MAGI2: variants seen among roughly 807,000 people sequenced by gnomAD.
MAGI2 encodes membrane associated guanylate kinase, WW and PDZ domain containing 2.
A neutral mutation model predicts 133.3 loss-of-function variants in MAGI2; 35 were observed. The ratio of observed to expected loss-of-function variants is 0.26; its 90% CI spans 0.20 to 0.35. The LOEUF is 0.35. Ranked by LOEUF, MAGI2 falls within the 10% of genes least tolerant of loss-of-function variation. The pLI, the probability that MAGI2 is intolerant of heterozygous loss-of-function variation, is 1.00. For missense variants in MAGI2, 1,636 were observed against 1,863.4 expected (o/e 0.88, Z 2.25); for synonymous variants, 729 against 710.6 (o/e 1.03, Z -0.41).
chr7:78,922,527 A>AT (rs1385952672), intron 2 of MAGI2, among the ~76,000 whole-genome samples: 1 of 151,552 alleles, frequency 6.6e-6, no homozygotes, highest in Non-Finnish European at 1.5e-5. Flanking sequence ...TGAACTCATC[A>AT]TTTTTTATGG....
rs752292799 is a variant in MAGI2, at chr7:79,007,079, A to C, written c.418+11T>G. The C allele has an allele frequency of 2.6e-6, 4 of 1,550,106 alleles. No homozygotes were observed. The African/African-American group carries it at 5.5e-5, about 21-fold the overall frequency. Reference sequence around the variant, plus strand: ...CAACATAAAAATATTAATACTGCCCATTGTACTCACATGGCACCGTGCGGA... The same window carrying C: ...CAACATAAAAATATTAATACTGCCCCTTGTACTCACATGGCACCGTGCGGA... On this transcript the variant is annotated intron_variant, in intron 2 of 21. Transcript: ENST00000354212.
At chr7:78,729,230 A>G (rs1821132110) in intron 2 of MAGI2, among the ~76,000 whole-genome samples, 1 of 152,352 alleles carries the variant, frequency 6.6e-6, no homozygotes, top group South Asian at 2.1e-4. Context: ...CAAGAAAAAA[A>G]GTGAGGATTA....
chr7:78,377,383 G>A (rs1335484705), intron 6 of MAGI2, among the ~76,000 whole-genome samples: 1 of 152,012 alleles, frequency 6.6e-6, no homozygotes, highest in Non-Finnish European at 1.5e-5. Context: ...GCTCAGAAAG[G>A]TAAATTCCCA....
intron 2 of MAGI2, among the ~76,000 whole-genome samples, chr7:78,991,432 T>G (rs1462469229): frequency 6.6e-6 from 1 of 151,810 alleles, no homozygotes; most frequent in Non-Finnish European, 1.5e-5. Context: ...ACATATATAC[T>G]AAAATATATG....
At chr7:79,028,237 A>ATATATC (rs1554336352) in intron 1 of MAGI2, among the ~76,000 whole-genome samples, 9 of 28,674 alleles carry the variant, frequency 3.1e-4, no homozygotes, top group African/African-American at 6.6e-4. Flanking sequence ...ATATGTATGT[A>ATATATC]TATATATATA....
chr7:78,594,136 T>C (rs1434682561), intron 3 of MAGI2, among the ~76,000 whole-genome samples: 1 of 152,202 alleles, frequency 6.6e-6, no homozygotes, highest in African/African-American at 2.4e-5. Context: ...TTCTGTCTTG[T>C]CCTCTTTGAT....
chr7:78,998,690 G>A (rs1806559853), intron 2 of MAGI2, among the ~76,000 whole-genome samples: 1 of 152,110 alleles, frequency 6.6e-6, no homozygotes, highest in South Asian at 2.1e-4. Flanking sequence ...TTTTGGCTAG[G>A]CGCATTTAAA....
intron 1 of MAGI2, among the ~76,000 whole-genome samples, chr7:79,051,703 GA>G (rs760257352): frequency 6.6e-6 from 1 of 152,034 alleles, no homozygotes; most frequent in Non-Finnish European, 1.5e-5. Context: ...ATTTATACAA[GA>G]AAAAATGTAA....
At chr7:79,164,239 G>C (rs1824706942) in intron 1 of MAGI2, among the ~76,000 whole-genome samples, 1 of 151,930 alleles carries the variant, frequency 6.6e-6, no homozygotes, top group Non-Finnish European at 1.5e-5. Flanking sequence ...TACAAACCAT[G>C]AATTCTCATC....
At chr7:79,369,712 A>G (rs1170841795) in intron 1 of MAGI2, among the ~76,000 whole-genome samples, 1 of 152,202 alleles carries the variant, frequency 6.6e-6, no homozygotes, top group Non-Finnish European at 1.5e-5. Flanking sequence ...TAGAATATGT[A>G]ATGTACATGC....
At chr7:79,234,424 A>G (rs546190925) in intron 1 of MAGI2, among the ~76,000 whole-genome samples, 1 of 152,052 alleles carries the variant, frequency 6.6e-6, no homozygotes, top group Admixed American at 6.5e-5. Flanking sequence ...CATCACTTTC[A>G]GGTACACCAA....
chr7:78,227,862 G>GTA (rs1242296512), intron 10 of MAGI2, among the ~76,000 whole-genome samples: 3 of 151,748 alleles, frequency 2.0e-5, no homozygotes, highest in Admixed American at 2.0e-4. Flanking sequence ...GTGTGTGTGT[G>GTA]TGTGTGTGTG....
chr7:78,411,579 C>T (rs1045483697), intron 6 of MAGI2, among the ~76,000 whole-genome samples: 1 of 151,920 alleles, frequency 6.6e-6, no homozygotes, highest in Non-Finnish European at 1.5e-5. Context: ...AAAATGAAGG[C>T]ATTTTTTTGG....
At chr7:78,764,830 G>A (rs1291780608) in intron 2 of MAGI2, among the ~76,000 whole-genome samples, 4 of 152,168 alleles carry the variant, frequency 2.6e-5, no homozygotes, top group Non-Finnish European at 4.4e-5. Context: ...TAAGCAGAGT[G>A]CTAACCACTA....
intron 1 of MAGI2, among the ~76,000 whole-genome samples, chr7:79,204,441 T>G (rs1309536178): frequency 6.6e-6 from 1 of 152,064 alleles, no homozygotes; most frequent in Non-Finnish European, 1.5e-5. Context: ...CAGTTGCAGC[T>G]GCACCAGGCT....
intron 6 of MAGI2, among the ~76,000 whole-genome samples, chr7:78,406,580 T>C (rs1408845023): frequency 2.6e-5 from 4 of 152,072 alleles, no homozygotes; most frequent in Non-Finnish European, 2.9e-5. Flanking sequence ...TCATTTTCCT[T>C]GGAAATTTTG....
chr7:78,324,091 G>C (rs1006346473), intron 9 of MAGI2, among the ~76,000 whole-genome samples: 1 of 151,918 alleles, frequency 6.6e-6, no homozygotes, highest in Admixed American at 6.6e-5. Flanking sequence ...CCCTCAATGT[G>C]TGTTTTTATT....
At chr7:78,948,286 C>T (rs1193060844) in intron 2 of MAGI2, among the ~76,000 whole-genome samples, 1 of 151,976 alleles carries the variant, frequency 6.6e-6, no homozygotes, top group East Asian at 1.9e-4. Context: ...TATTTTAATG[C>T]AACTTTTATT....
intron 2 of MAGI2, among the ~76,000 whole-genome samples, chr7:78,630,619 G>C (rs62470074): frequency 0.027 from 4,117 of 151,768 alleles, 80 homozygotes; most frequent in Admixed American, 0.068. Flanking sequence ...GTTTCACTGT[G>C]TTGGCCAGGC....
Sources: gnomAD v4.1 joint callset for allele counts (sites outside exome capture counted in the v4.1 genomes callset) on GRCh38, gnomAD v4.1.1 for gene constraint, MANE v1.5 for transcripts, NCBI Gene and HGNC (gene_info 2026-07-23, HGNC 2026-07-21) for gene names.